SYNM: variants seen among roughly 807,000 people sequenced by gnomAD.
SYNM encodes synemin.
In SYNM, 95 loss-of-function variants were observed where a neutral mutation model predicts 104.0. The ratio of observed to expected loss-of-function variants is 0.91; its 90% CI spans 0.77 to 1.08. SYNM has a LOEUF of 1.08. SYNM is among the 50% of genes least tolerant of loss of function. The pLI, the probability that SYNM is intolerant of heterozygous loss-of-function variation, is 0.00. For missense variants in SYNM, 2,150 were observed against 2,052.2 expected, an observed-to-expected ratio of 1.05 and a Z score of -0.92; for synonymous variants, 918 against 869.0, an observed-to-expected ratio of 1.06 and a Z score of -0.99.
the SYNM span, among the ~76,000 whole-genome samples, chr15:99,141,288 AAAGTC>A: frequency 1.3e-5 from 2 of 152,296 alleles, no homozygotes; most frequent in South Asian, 4.1e-4. Context: ...TCATGATTAC[AAAGTC>A]AAGGGGAAAA....
intron 2 of SYNM, among the ~76,000 whole-genome samples, chr15:99,114,101 T>C (rs891783172): frequency 7.9e-5 from 12 of 151,252 alleles, no homozygotes; most frequent in African/African-American, 2.9e-4. Context: ...CAGGATGTGT[T>C]AGTGTGTTTT....
At position 99,132,664 on chromosome 15, in the gene SYNM, C is replaced by T. The variant is rs782330754; in HGVS notation, c.4304C>T (p.Ser1435Phe). The change falls in exon 4 of 4, where the codon TCC becomes TTC. Residue 1435 changes from serine (S) to phenylalanine (F), a missense_variant. Physicochemically the swap from Ser to Phe is radical, Grantham distance 155. Transcript: ENST00000336292. ...RTFVLAGSAD[S>F]PELGKLADSS... ...TTTGTGCTTGCTGGTTCAGCGGACTCCCCTGAGCTAGGCAAGTTAGCAGAC... is the reference window on the plus strand; with the variant it reads ...TTTGTGCTTGCTGGTTCAGCGGACTTCCCTGAGCTAGGCAAGTTAGCAGAC... 1.2e-6 allele frequency: 2 copies of T among 1,614,004 alleles called. No individual in the cohort carries two copies. Among genetic ancestry groups the T allele is most frequent in the East Asian group, 2.2e-5 (1 of 44,892 alleles).
intron 2 of SYNM, among the ~76,000 whole-genome samples, chr15:99,115,467 C>CTT (rs1239411620): frequency 0.024 from 2,405 of 99,088 alleles, 117 homozygotes; most frequent in African/African-American, 0.08. Flanking sequence ...TTATTTTATT[C>CTT]TATTTTTTTT....
intron 1 of SYNM, among the ~76,000 whole-genome samples, chr15:99,112,691 T>C (rs2067309955): frequency 6.6e-6 from 1 of 152,156 alleles, no homozygotes; most frequent in Non-Finnish European, 1.5e-5. Context: ...GCAATTACGG[T>C]TCATAAAGCA....
chr15:99,110,408 G>T (rs2151799278), intron 1 of SYNM, among the ~76,000 whole-genome samples: 1 of 152,332 alleles, frequency 6.6e-6, no homozygotes, highest in African/African-American at 2.4e-5. Context: ...ATGTACGTGT[G>T]TTCAGTTTGA....
Position 99,105,097 on chromosome 15 carries a change from G to T in SYNM, c.-103G>T. 2 of 1,351,056 alleles carry T rather than the reference G, an allele frequency of 1.5e-6. No homozygotes were observed. Among genetic ancestry groups the T allele is most frequent in the Non-Finnish European group, 9.9e-7 (1 of 1,006,334 alleles). 83.7% of individuals were successfully genotyped at this position (1,351,056 alleles called of 1,614,324 possible). ...CGCGTCCCAGTCTGCGGGCCTCCGGGGCAGCGGCGAGGCCGGAGCGTCGCG... is the reference window on the plus strand; with the variant it reads ...CGCGTCCCAGTCTGCGGGCCTCCGGTGCAGCGGCGAGGCCGGAGCGTCGCG... On this transcript the variant is annotated 5_prime_UTR_variant, in exon 1 of 4. Coordinates refer to ENST00000336292, the MANE Select transcript of SYNM (RefSeq NM_145728.3).
In SYNM at chr15:99,129,616, T is replaced by A. The variant is rs1319929610; in HGVS notation, c.1256T>A (p.Val419Asp). Reference sequence around the variant, plus strand: ...CAGGAAAACTCATACGGAAAAGCCGTCAGCAGTCAAACCAACGTCAGAACT... The same window carrying A: ...CAGGAAAACTCATACGGAAAAGCCGACAGCAGTCAAACCAACGTCAGAACT... ...TQQENSYGKA[V>D]SSQTNVRTFS... Residue 419 changes from valine to aspartate, a missense_variant, in exon 4 of 4, where the codon GTC becomes GAC. Coordinates refer to ENST00000336292, the MANE Select transcript of SYNM (RefSeq NM_145728.3). 4 of 1,613,726 alleles carry A rather than the reference T, an allele frequency of 2.5e-6. No individual in the cohort carries two copies. In the East Asian group the frequency reaches 8.9e-5, roughly 36 times the overall value.
downstream of SYNM, chr15:99,137,785 GT>G: frequency 4.8e-6 from 3 of 626,434 alleles, no homozygotes. Flanking sequence ...AACCACTTAG[GT>G]GATAGAAAAC....
At chr15:99,112,154 G>C (rs2067305205) in intron 1 of SYNM, among the ~76,000 whole-genome samples, 1 of 152,206 alleles carries the variant, frequency 6.6e-6, no homozygotes, top group Non-Finnish European at 1.5e-5. Flanking sequence ...ATCTTGCCGG[G>C]TGCCTTTGGT....
In SYNM at chr15:99,126,706, T is replaced by C; in HGVS notation, c.936-16T>C. ...TTCGTTTCCTAATGAATTATGTTTG[T>C]AAATTATTTTTACAGGGCCTTATTG... On this transcript the variant is annotated splice_polypyrimidine_tract_variant and intron_variant, in intron 2 of 3. Transcript: ENST00000336292. The C allele has an allele frequency of 1.3e-6, 2 of 1,565,150 alleles. No individual in the cohort carries two copies. Among genetic ancestry groups the C allele is most frequent in the Non-Finnish European group, 1.7e-6 (2 of 1,153,922 alleles).
In SYNM at chr15:99,131,645, C is replaced by T. The variant is rs539244902; in HGVS notation, c.3285C>T (p.Pro1095=). The T allele has an allele frequency of 1.1e-4, 178 of 1,611,412 alleles. 1 individual carries two copies. In the South Asian group the frequency reaches 1.8e-3, roughly 17 times the overall value. ...CTCACAGCTCGGGACAGCGCACTCC[C>T]CAGGGCCCAGTGTCGGCCACTGTGG... is the stretch of plus-strand genomic sequence containing the variant. ...GASHSSGQRT[P]QGPVSATVEV... The change falls in exon 4 of 4, where the codon CCC becomes CCT. Residue 1095 remains proline (P), a synonymous_variant. Transcript: ENST00000336292. This position sits in a 1 kb window ranked among gnomAD's most constrained non-coding sequence, Gnocchi z 4.3.
Position 99,130,760 on chromosome 15 carries a change from T to C in SYNM, c.2400T>C (p.Asn800=). 6.2e-7 allele frequency: 1 copy of C among 1,613,868 alleles called. No homozygotes were observed. Among genetic ancestry groups the C allele is most frequent in the Non-Finnish European group, 8.5e-7 (1 of 1,179,848 alleles). The stretch of plus-strand genomic sequence containing the variant: ...AAAGCGATGTCACATTCTCAGTTAA[T>C]CAGCATCGAAGGACCAAGCAGCCTC... ...YGESDVTFSV[N]QHRRTKQPQE... The change falls in exon 4 of 4, where the codon AAT becomes AAC. Residue 800 remains asparagine, a synonymous_variant. Transcript: ENST00000336292.
At position 99,105,846 on chromosome 15, in the gene SYNM, G is replaced by T. The variant is rs1555482622; in HGVS notation, c.647G>T (p.Gly216Val). Residue 216 changes from glycine to valine, a missense_variant, in exon 1 of 4, where the codon GGC becomes GTC. Physicochemically the swap from Gly to Val is moderately radical, Grantham distance 109. Transcript: ENST00000336292. Reference sequence around the variant, plus strand: ...GAGCTGGAGGAGGCGCTGCGGCGCGGCCAGGAGAGCAGACTCCAGGCGGAG... The same window carrying T: ...GAGCTGGAGGAGGCGCTGCGGCGCGTCCAGGAGAGCAGACTCCAGGCGGAG... ...VRELEEALRR[G>V]QESRLQAEEE... 3.2e-6 allele frequency: 5 copies of T among 1,541,804 alleles called. No individual in the cohort carries two copies. The highest frequency in any genetic ancestry group is 4.4e-6 in the Non-Finnish European group (5 of 1,145,980).
At position 99,132,530 on chromosome 15, in the gene SYNM, G is replaced by A. The variant is rs966000529; in HGVS notation, c.4170G>A (p.Gly1390=). Residue 1390 remains glycine (G), a synonymous_variant, in exon 4 of 4, where the codon GGG becomes GGA. Coordinates refer to ENST00000336292, the MANE Select transcript of SYNM (RefSeq NM_145728.3). ...PQEDSAEDTS[G]AEMTSGVSRS... ...AGGATAGTGCAGAGGACACATCAGG[G>A]GCAGAAATGACATCGGGTGTTAGCA... The A allele has an allele frequency of 1.9e-6, 3 of 1,614,006 alleles. No homozygotes were observed. Among genetic ancestry groups the A allele is most frequent in the Non-Finnish European group, 2.5e-6 (3 of 1,179,892 alleles).
rs1555486531 is a variant in SYNM, at chr15:99,135,035, A to G, written c.*1977A>G. The G allele has an allele frequency of 6.6e-6, 1 of 152,356 alleles. No individual in the cohort carries two copies. The highest frequency in any genetic ancestry group is 2.4e-5 in the African/African-American group (1 of 41,448). 9.4% of individuals were successfully genotyped at this position (152,356 alleles called of 1,614,324 possible). On this transcript the variant is annotated 3_prime_UTR_variant, in exon 4 of 4. Coordinates refer to ENST00000336292, the MANE Select transcript of SYNM (RefSeq NM_145728.3). ...AGCCTCCTGTCTGATGACAGGACAG[A>G]CTGGTGGTGAGGAGTCTAAGTGGGC...
downstream of SYNM, among the ~76,000 whole-genome samples, chr15:99,138,605 G>A (rs1555488375): frequency 6.6e-5 from 10 of 152,298 alleles, no homozygotes; most frequent in African/African-American, 9.6e-5. Flanking sequence ...GAGTCACCTC[G>A]CCTGGCCCCT....
Position 99,131,503 on chromosome 15 carries a change from G to T in SYNM, c.3143G>T (p.Gly1048Val). 6.2e-7 allele frequency: 1 copy of T among 1,606,776 alleles called. No individual in the cohort carries two copies. The highest frequency in any genetic ancestry group is 8.5e-7 in the Non-Finnish European group (1 of 1,179,562). ...SLSRQRSPAP[G>V]SPDEEGGAEA... ...AGCAGGCAACGCAGCCCAGCGCCTG[G>T]CAGCCCAGATGAGGAAGGTGGAGCG... is the stretch of plus-strand genomic sequence containing the variant. Residue 1048 changes from glycine (G) to valine (V), a missense_variant, in exon 4 of 4, where the codon GGC becomes GTC. Physicochemically the swap from Gly to Val is moderately radical, Grantham distance 109. Transcript: ENST00000336292. The surrounding 1 kb of genome is among the most constrained non-coding windows in gnomAD (Gnocchi z 4.3).
rs1555486394 is a variant in SYNM at position 99,134,275 on chromosome 15, G to C, written c.*1217G>C. ...TGCAGCCCAGCACCGAGATACCCAG[G>C]ACGGGCCTGGGGGGCGAGAAAGGCC... is the stretch of plus-strand genomic sequence containing the variant. On this transcript the variant is annotated 3_prime_UTR_variant, in exon 4 of 4. Coordinates refer to ENST00000336292, the MANE Select transcript of SYNM (RefSeq NM_145728.3). 2 of 152,002 alleles carry C rather than the reference G, an allele frequency of 1.3e-5. No individual in the cohort carries two copies. The highest frequency in any genetic ancestry group is 4.8e-5 in the African/African-American group (2 of 41,378). 9.4% of individuals were successfully genotyped at this position (152,002 alleles called of 1,614,324 possible).
intron 2 of SYNM, among the ~76,000 whole-genome samples, chr15:99,122,046 C>G (rs1449169437): frequency 6.6e-6 from 1 of 152,336 alleles, no homozygotes; most frequent in Non-Finnish European, 1.5e-5. Flanking sequence ...GAGGCCTTAC[C>G]TCGGCAGATA....
Sources: gnomAD v4.1 joint callset for allele counts (sites outside exome capture counted in the v4.1 genomes callset) on GRCh38, gnomAD v4.1.1 for gene constraint, Gnocchi (gnomAD v3.1) non-coding constraint, MANE v1.5 for transcripts, NCBI Gene and HGNC (gene_info 2026-07-23, HGNC 2026-07-21) for gene names.